Variants in VWA8 observed in about 807,000 individuals in gnomAD.
VWA8 encodes von Willebrand factor A domain-containing protein 8.
In VWA8, 221 loss-of-function variants were observed where a neutral mutation model predicts 241.5. The ratio of observed to expected loss-of-function variants is 0.91; its 90% CI spans 0.82 to 1.02. The LOEUF is 1.02. VWA8 is among the 50% of genes least tolerant of loss of function. The pLI, the probability that VWA8 is intolerant of heterozygous loss-of-function variation, is 0.00. For missense variants in VWA8, 2,322 were observed against 2,328.7 expected (o/e 1.00, Z 0.06); for synonymous variants, 852 against 827.1 (o/e 1.03, Z -0.52).
chr13:41,647,769 C>T (rs539083133), intron 37 of VWA8, among the ~76,000 whole-genome samples: 2 of 152,112 alleles, frequency 1.3e-5, no homozygotes, highest in Non-Finnish European at 2.9e-5. Flanking sequence ...GTGGGTGGAT[C>T]ACTTGAGGTC....
intron 37 of VWA8, among the ~76,000 whole-genome samples, chr13:41,626,549 T>C (rs943754493): frequency 6.6e-6 from 1 of 152,198 alleles, no homozygotes; most frequent in African/African-American, 2.4e-5. Context: ...CAAAACAGCA[T>C]GGTGTTGGTA....
chr13:41,692,993 G>T, intron 29 of VWA8, 21 bp from the exon 30 acceptor site: 1 of 1,442,608 alleles, frequency 6.9e-7, no homozygotes, highest in East Asian at 2.5e-5. Flanking sequence ...TAAAAACAGT[G>T]AAAAGCTCAA....
chr13:41,700,541 C>T (rs1051471958), intron 28 of VWA8, among the ~76,000 whole-genome samples: 2 of 152,094 alleles, frequency 1.3e-5, no homozygotes, highest in African/African-American at 4.8e-5. Context: ...ATATAGGGCA[C>T]TGGGAATACA....
chr13:41,919,262 C>T (rs1438105070), intron 2 of VWA8, among the ~76,000 whole-genome samples: 2 of 152,130 alleles, frequency 1.3e-5, no homozygotes, highest in Non-Finnish European at 1.5e-5. Flanking sequence ...TTTCTCTCTG[C>T]AGGAAAAAGG....
At chr13:41,715,509 C>T (rs552046423) in intron 26 of VWA8, among the ~76,000 whole-genome samples, 34 of 152,024 alleles carry the variant, frequency 2.2e-4, no homozygotes, top group African/African-American at 7.9e-4. Context: ...TTCTGAAACA[C>T]ACTTTTTAAT....
intron 21 of VWA8, among the ~76,000 whole-genome samples, chr13:41,754,848 CAT>C (rs2045682620): frequency 1.3e-5 from 2 of 151,374 alleles, no homozygotes; most frequent in South Asian, 4.2e-4. Flanking sequence ...TAAGTGAAAA[CAT>C]GTCAAGTTTG....
intron 37 of VWA8, among the ~76,000 whole-genome samples, chr13:41,657,651 G>C (rs1045649563): frequency 5.9e-5 from 9 of 151,812 alleles, no homozygotes; most frequent in Non-Finnish European, 1.0e-4. Flanking sequence ...CACCGCGCCC[G>C]GCTAATTTTT....
intron 9 of VWA8, among the ~76,000 whole-genome samples, chr13:41,868,812 C>T (rs753286907): frequency 5.4e-4 from 79 of 147,300 alleles, no homozygotes; most frequent in Non-Finnish European, 1.1e-3. Context: ...GGCGTGAACC[C>T]GGGAGGTGGA....
In VWA8 at chr13:41,575,727, A is replaced by T. The variant is rs1205756672; in HGVS notation, c.5370+13T>A. Reference sequence around the variant, plus strand: ...GAAGCTTTCATAATACAGAGGTAATAAAATATATTTACCTTCAGAATTTCT... The same window carrying T: ...GAAGCTTTCATAATACAGAGGTAATTAAATATATTTACCTTCAGAATTTCT... On this transcript the variant is annotated intron_variant, in intron 43 of 44. Transcript: ENST00000379310. The T allele has an allele frequency of 6.3e-7, 1 of 1,577,392 alleles. No individual in the cohort carries two copies.
At chr13:41,676,149 A>G (rs574131068) in intron 35 of VWA8, among the ~76,000 whole-genome samples, 3 of 152,286 alleles carry the variant, frequency 2.0e-5, no homozygotes, top group African/African-American at 4.8e-5. Context: ...AAATTTAAGT[A>G]TGGTTTAAGG....
At chr13:41,805,414 T>A (rs1490156811) in intron 17 of VWA8, among the ~76,000 whole-genome samples, 1 of 152,110 alleles carries the variant, frequency 6.6e-6, no homozygotes, top group Non-Finnish European at 1.5e-5. Context: ...CACCCAAATA[T>A]ATAAAAGCAA....
intron 43 of VWA8, among the ~76,000 whole-genome samples, chr13:41,573,486 A>AAAATATATATATATATAT: frequency 4.4e-5 from 5 of 113,600 alleles, no homozygotes; most frequent in South Asian, 3.1e-4. Flanking sequence ...AAAAAAAAAA[A>AAAATATATATATATATAT]ATATATATAT....
intron 12 of VWA8, among the ~76,000 whole-genome samples, chr13:41,864,000 C>T (rs1219629236): frequency 6.6e-6 from 1 of 151,776 alleles, no homozygotes; most frequent in Non-Finnish European, 1.5e-5. Flanking sequence ...GGGTAAGGGT[C>T]TCGAATAGGT....
chr13:41,918,464 T>C (rs1876361381), intron 2 of VWA8, among the ~76,000 whole-genome samples: 1 of 152,216 alleles, frequency 6.6e-6, no homozygotes, highest in Non-Finnish European at 1.5e-5. Context: ...AGAGTATACA[T>C]GTATATTTGC....
At chr13:41,900,296 T>C (rs1875363975) in intron 4 of VWA8, among the ~76,000 whole-genome samples, 1 of 152,218 alleles carries the variant, frequency 6.6e-6, no homozygotes, top group South Asian at 2.1e-4. Context: ...TATATGTATT[T>C]TTTTAATGTG....
intron 2 of VWA8, chr13:41,926,399 C>T (rs1876838008): frequency 1.8e-6 from 1 of 544,416 alleles, no homozygotes. Context: ...TTGAAACTCC[C>T]ATGGTGAACA....
chr13:41,770,420 G>A (rs1180367149), intron 20 of VWA8, among the ~76,000 whole-genome samples: 5 of 142,450 alleles, frequency 3.5e-5, no homozygotes, highest in Non-Finnish European at 7.5e-5. Flanking sequence ...CAGCCTGGGC[G>A]ACAGAGCGAG....
intron 23 of VWA8, 54 bp downstream of exon 23, chr13:41,729,488 A>C: frequency 4.6e-6 from 7 of 1,508,682 alleles, no homozygotes; most frequent in Non-Finnish European, 4.4e-6. Context: ...GATTTGATAC[A>C]GAGATATAAA....
intron 26 of VWA8, among the ~76,000 whole-genome samples, chr13:41,704,867 A>T (rs540056838): frequency 6.6e-6 from 1 of 152,326 alleles, no homozygotes; most frequent in South Asian, 2.1e-4. Context: ...AAAGCTCTTT[A>T]AAAATAATAT....
Sources: allele counts gnomAD v4.1 joint callset (sites outside exome capture counted in the v4.1 genomes callset), GRCh38; gene constraint gnomAD v4.1.1; transcripts MANE v1.5; gene names NCBI Gene and HGNC (gene_info 2026-07-23, HGNC 2026-07-21).